The following PPP1R12A variants were observed in gnomAD, a reference collection of about 807,000 sequenced individuals.
PPP1R12A encodes the protein myosin binding subunit.
In PPP1R12A, 19 loss-of-function variants were observed where a neutral mutation model predicts 139.6. The observed-to-expected ratio is 0.14, with a 90% CI of 0.09 to 0.20. PPP1R12A has a LOEUF of 0.20. Ranked by LOEUF, PPP1R12A falls within the 10% of genes least tolerant of loss-of-function variation. The probability of loss-of-function intolerance (pLI) is 1.00; values close to 1 mark genes in which losing one functional copy is unlikely to be tolerated. For missense variants in PPP1R12A, 925 were observed against 1,211.5 expected (o/e 0.76, Z 3.51); for synonymous variants, 427 against 420.6 (o/e 1.02, Z -0.19).
intron 1 of PPP1R12A, among the ~76,000 whole-genome samples, chr12:79,905,384 G>C (rs1344371358): frequency 8.0e-6 from 1 of 124,240 alleles, no homozygotes; most frequent in Non-Finnish European, 1.6e-5. Context: ...ATCCAAATCT[G>C]TTTCCCTGTC....
intron 2 of PPP1R12A, among the ~76,000 whole-genome samples, chr12:79,870,369 G>C (rs1165454321): frequency 1.3e-5 from 2 of 152,094 alleles, no homozygotes; most frequent in Non-Finnish European, 2.9e-5. Context: ...CTCCCAAACT[G>C]CTGGGATTAC....
chr12:79,833,846 G>GA (rs371589074), intron 3 of PPP1R12A, among the ~76,000 whole-genome samples: 95,707 of 116,772 alleles, frequency 0.82, 39,244 homozygotes, highest in Non-Finnish European at 0.91. Flanking sequence ...CAAAGAAAAG[G>GA]AAAAAAAAAA....
At position 79,845,345 on chromosome 12, in the gene PPP1R12A, C is replaced by A; in HGVS notation, c.444G>T (p.Glu148Asp). The part of the protein sequence containing the change: ...EGDTPLDIAE[E>D]EAMEELLQNE... ...TTTGAAGTAGCTCTTCCATTGCCTC[C>A]TCCTCCGCAATATCTAAAGGTGTAT... Residue 148 changes from glutamate (E) to aspartate (D), a missense_variant, in exon 3 of 25, where the codon GAG becomes GAT. By Grantham distance (45) the Glu-to-Asp change is conservative. This residue lies in a region of PPP1R12A where 199 missense variants were observed against 352.4 expected (regional missense o/e 0.56). Transcript: ENST00000450142. The A allele has an allele frequency of 6.2e-7, 1 of 1,613,574 alleles. No homozygotes were observed. The highest frequency in any genetic ancestry group is 8.5e-7 in the Non-Finnish European group (1 of 1,179,648).
In PPP1R12A at chr12:79,863,671, AG is replaced by A. The variant is rs1345311366; in HGVS notation, c.368+9136del. Among the ~76,000 whole-genome samples, 38 of 106,220 alleles carry A rather than the reference AG, an allele frequency of 3.6e-4. 2 individuals are homozygous for A. Among genetic ancestry groups the A allele is most frequent in the African/African-American group, 1.2e-3 (36 of 30,426 alleles). The allele number at this position is 106,220 out of a possible 152,430, so 69.7% of individuals were successfully genotyped here. A position where few individuals can be genotyped will look rare whatever the true frequency, so the allele number is the denominator to read the frequency against. On this transcript the variant is annotated intron_variant, in intron 2 of 24. Coordinates refer to ENST00000450142, the MANE Select transcript of PPP1R12A (RefSeq NM_002480.3). ...AAAAAAAAAAAAAAAAAAAAAAAAA[AG>A]AGCAGGGGTTGCAATCCTGGTCTCT...
chr12:79,858,340 T>C (rs1880922570), intron 2 of PPP1R12A, among the ~76,000 whole-genome samples: 1 of 152,222 alleles, frequency 6.6e-6, no homozygotes, highest in Non-Finnish European at 1.5e-5. Context: ...AATTATATTA[T>C]AAACAATAAC....
At chr12:79,806,585 C>G (rs1873865434) in intron 12 of PPP1R12A, among the ~76,000 whole-genome samples, 1 of 152,180 alleles carries the variant, frequency 6.6e-6, no homozygotes, top group Non-Finnish European at 1.5e-5. Context: ...TCTGATATTT[C>G]ATATTTTTGA....
chr12:79,797,405 C>T lies in PPP1R12A; in HGVS notation c.2092-10G>A, dbSNP rs1872609380. On this transcript the variant is annotated splice_polypyrimidine_tract_variant and intron_variant, in intron 15 of 24. Transcript: ENST00000450142. ...CAGTTAATGTCACTCCCTGCACACACAAAAAGATCAATATAATTATGAGAT... is the reference window on the plus strand; with the variant it reads ...CAGTTAATGTCACTCCCTGCACACATAAAAAGATCAATATAATTATGAGAT... 6.4e-7 allele frequency: 1 copy of T among 1,566,762 alleles called. No individual in the cohort carries two copies. Among genetic ancestry groups the T allele is most frequent in the Non-Finnish European group, 8.6e-7 (1 of 1,160,480 alleles).
At chr12:79,814,575 C>A (rs1262943599) in intron 9 of PPP1R12A, among the ~76,000 whole-genome samples, 1 of 145,684 alleles carries the variant, frequency 6.9e-6, no homozygotes, top group African/African-American at 2.5e-5. Context: ...TAGCACTTTG[C>A]AAGGCCGAGA....
chr12:79,935,186 C>T (rs1221323554), upstream of PPP1R12A: 4 of 1,331,132 alleles, frequency 3.0e-6, no homozygotes, highest in Non-Finnish European at 2.9e-6. Context: ...GGCGGCCAAT[C>T]TAACGTAACT....
At chr12:79,909,843 T>C (rs1353991349) in intron 1 of PPP1R12A, among the ~76,000 whole-genome samples, 1 of 152,084 alleles carries the variant, frequency 6.6e-6, no homozygotes, top group Non-Finnish European at 1.5e-5. Context: ...AGTCTCACTC[T>C]GTCGCCCAGG....
chr12:79,911,547 C>T (rs761671265), intron 1 of PPP1R12A, among the ~76,000 whole-genome samples: 12 of 152,122 alleles, frequency 7.9e-5, no homozygotes, highest in East Asian at 7.7e-4. Flanking sequence ...CCCCATGACA[C>T]GCAGTTTAAC....
chr12:79,889,235 T>G (rs1467812050), intron 1 of PPP1R12A, among the ~76,000 whole-genome samples: 1 of 152,214 alleles, frequency 6.6e-6, no homozygotes, highest in African/African-American at 2.4e-5. Flanking sequence ...ATGGCAATTG[T>G]GACAGAACAT....
intron 2 of PPP1R12A, among the ~76,000 whole-genome samples, chr12:79,869,894 C>T (rs1882381386): frequency 7.0e-6 from 1 of 142,518 alleles, no homozygotes; most frequent in African/African-American, 2.9e-5. Context: ...TGGGTTATAA[C>T]TATTGTCTCT....
intron 1 of PPP1R12A, among the ~76,000 whole-genome samples, chr12:79,925,955 C>T (rs1197765209): frequency 1.3e-5 from 2 of 152,050 alleles, no homozygotes; most frequent in Non-Finnish European, 2.9e-5. Context: ...GGTAGAGACA[C>T]CGTCTCCCTA....
intron 22 of PPP1R12A, among the ~76,000 whole-genome samples, chr12:79,783,416 C>T (rs1565735970): frequency 1.3e-5 from 2 of 151,768 alleles, no homozygotes; most frequent in Admixed American, 1.3e-4. Flanking sequence ...TGCAGTGAGC[C>T]CTGACTGTAC....
chr12:79,827,760 A>G (rs1876966935), intron 5 of PPP1R12A, among the ~76,000 whole-genome samples: 1 of 152,054 alleles, frequency 6.6e-6, no homozygotes, highest in Admixed American at 6.6e-5. Flanking sequence ...CACTCAACTG[A>G]ACTATTTTCT....
intron 2 of PPP1R12A, among the ~76,000 whole-genome samples, chr12:79,850,253 G>C (rs1015635834): frequency 3.3e-5 from 5 of 152,098 alleles, no homozygotes; most frequent in African/African-American, 4.8e-5. Flanking sequence ...GATCCAAAAG[G>C]ATTTTTACAA....
At chr12:79,886,143 G>C (rs1884082214) in intron 1 of PPP1R12A, among the ~76,000 whole-genome samples, 1 of 152,156 alleles carries the variant, frequency 6.6e-6, no homozygotes, top group African/African-American at 2.4e-5. Context: ...ATTGGATACT[G>C]TCCAAGCAAT....
intron 1 of PPP1R12A, among the ~76,000 whole-genome samples, chr12:79,888,028 G>C (rs1884262784): frequency 6.6e-6 from 1 of 152,060 alleles, no homozygotes; most frequent in African/African-American, 2.4e-5. Flanking sequence ...ACAGTGTTCA[G>C]CAAAACAAGT....
Sources: gnomAD v4.1 joint callset for allele counts (sites outside exome capture counted in the v4.1 genomes callset) on GRCh38, gnomAD v4.1.1 for gene constraint, gnomAD v4.1.1 regional missense constraint, MANE v1.5 for transcripts, NCBI Gene and HGNC (gene_info 2026-07-23, HGNC 2026-07-21) for gene names.